The following CLSPN variants were observed in gnomAD, a reference collection of about 807,000 sequenced individuals.
CLSPN encodes the protein claspin homolog.
CLSPN carries 85 observed loss-of-function variants against 156.3 expected under a neutral mutation model. That is an observed-to-expected ratio of 0.54 (90% CI 0.46 to 0.65). The LOEUF is 0.65. CLSPN is among the 30% of genes least tolerant of loss of function. CLSPN has a pLI of 0.00. For synonymous variants in CLSPN, 534 were observed against 542.4 expected, an observed-to-expected ratio of 0.98 and a Z score of 0.22; for missense variants, 1,407 against 1,554.9, an observed-to-expected ratio of 0.90 and a Z score of 1.60.
At chr1:35,726,987 T>C (rs1431039127) in intron 24 of CLSPN, among the ~76,000 whole-genome samples, 1 of 152,208 alleles carries the variant, frequency 6.6e-6, no homozygotes, top group Non-Finnish European at 1.5e-5. Flanking sequence ...AGCCCACTCC[T>C]GGAGCCTCAG....
intron 24 of CLSPN, among the ~76,000 whole-genome samples, chr1:35,722,823 G>T (rs1641105580): frequency 6.7e-6 from 1 of 150,098 alleles, no homozygotes; most frequent in Non-Finnish European, 1.5e-5. Flanking sequence ...TAGAGACAGG[G>T]TTTCACTATG....
intron 3 of CLSPN, 116 bp downstream of exon 3, chr1:35,764,150 A>C: frequency 2.9e-6 from 2 of 681,638 alleles, no homozygotes. Context: ...TTCTCAACAC[A>C]AAATAGTCAA....
chr1:35,739,099 C>T (rs371891763), intron 20 of CLSPN, 37 bp downstream of exon 20: 67 of 1,612,878 alleles, frequency 4.2e-5, no homozygotes, highest in African/African-American at 1.1e-4. Context: ...ATGCTCAGCC[C>T]GTAACTGATT....
intron 1 of CLSPN, among the ~76,000 whole-genome samples, chr1:35,765,940 T>C (rs139276802): frequency 0.013 from 1,941 of 151,582 alleles, 18 homozygotes; most frequent in Non-Finnish European, 0.019. Context: ...ATATGCAATC[T>C]AGACGTGGGA....
chr1:35,723,516 C>A (rs901449360), intron 24 of CLSPN, among the ~76,000 whole-genome samples: 2 of 152,160 alleles, frequency 1.3e-5, no homozygotes, highest in African/African-American at 4.8e-5. Context: ...TATCAGTATT[C>A]TCAGGAAGAA....
In CLSPN at chr1:35,738,516, T is replaced by A; in HGVS notation, c.3497A>T (p.Asp1166Val). 1 of 1,613,998 alleles carries A rather than the reference T, an allele frequency of 6.2e-7. No individual in the cohort carries two copies. Among genetic ancestry groups the A allele is most frequent in the East Asian group, 2.2e-5 (1 of 44,876 alleles). Residue 1166 changes from aspartate to valine, a missense_variant, in exon 21 of 25, where the codon GAT becomes GTT. This residue lies in a region of CLSPN where 241 missense variants were observed against 240.5 expected (regional missense o/e 1.00). Transcript: ENST00000318121. The part of the protein sequence containing the change: ...SDDDQTEEQL[D>V]ESEARWRKER... Reference sequence around the variant, plus strand: ...CTTCCTCCACCTGGCTTCTGACTCATCAAGCTGTTCTTCAGTCTGATCATC... The same window carrying A: ...CTTCCTCCACCTGGCTTCTGACTCAACAAGCTGTTCTTCAGTCTGATCATC...
At chr1:35,756,624 T>A (rs1355849779) in intron 8 of CLSPN, among the ~76,000 whole-genome samples, 1 of 152,202 alleles carries the variant, frequency 6.6e-6, no homozygotes, top group African/African-American at 2.4e-5. Context: ...GCATAAGAAC[T>A]GTTCTCATTC....
chr1:35,743,809 G>A (rs1252650866), intron 16 of CLSPN, among the ~76,000 whole-genome samples: 1 of 151,990 alleles, frequency 6.6e-6, no homozygotes, highest in Non-Finnish European at 1.5e-5. Context: ...TTTTTGTAGA[G>A]ACAGATTTCA....
At position 35,735,695 on chromosome 1, in the gene CLSPN, G is replaced by A; in HGVS notation, c.*801C>T. On this transcript the variant is annotated 3_prime_UTR_variant, in exon 25 of 25. Transcript: ENST00000318121. ...TGCACTCCAGACTGGGCAACAAAGT[G>A]AGACTATCTCAAAAAAAAAAAAAGA... 4.1e-6 allele frequency: 4 copies of A among 978,740 alleles called. No individual in the cohort carries two copies. The highest frequency in any genetic ancestry group is 4.8e-6 in the Non-Finnish European group (4 of 824,946). 60.6% of individuals were successfully genotyped at this position (978,740 alleles called of 1,614,324 possible). A position where few individuals can be genotyped will look rare whatever the true frequency, so the allele number is the denominator to read the frequency against.
intron 8 of CLSPN, among the ~76,000 whole-genome samples, chr1:35,759,434 CAT>C (rs1557519787): frequency 6.6e-6 from 1 of 152,182 alleles, no homozygotes; most frequent in Non-Finnish European, 1.5e-5. Flanking sequence ...TTATCAATGA[CAT>C]ATTCATTATC....
intron 24 of CLSPN, chr1:35,721,037 C>T (rs763272328): frequency 5.4e-5 from 67 of 1,235,576 alleles, no homozygotes; most frequent in Non-Finnish European, 7.5e-5. Context: ...AGAGATAGTT[C>T]TGATAATGTT....
intron 8 of CLSPN, among the ~76,000 whole-genome samples, chr1:35,755,155 G>A (rs1296981222): frequency 7.9e-5 from 12 of 152,122 alleles, no homozygotes; most frequent in Non-Finnish European, 1.6e-4. Context: ...GTGCAGTGGT[G>A]CAATCTTGGC....
intron 15 of CLSPN, 34 bp from the exon 16 acceptor site, chr1:35,745,596 G>A (rs1641852913): frequency 7.1e-7 from 1 of 1,400,130 alleles, no homozygotes; most frequent in Non-Finnish European, 1.0e-6. Flanking sequence ...GTGTCACCAA[G>A]GAATGATAGC....
At chr1:35,761,497 C>T (rs961088802) in intron 6 of CLSPN, among the ~76,000 whole-genome samples, 2 of 152,136 alleles carry the variant, frequency 1.3e-5, no homozygotes, top group Non-Finnish European at 2.9e-5. Flanking sequence ...ATACAGTAGT[C>T]CCCGCTTATC....
rs1258308680 is a variant in CLSPN, at chr1:35,737,333, A to G, written c.3747+6T>C. 4.3e-6 allele frequency: 7 copies of G among 1,612,454 alleles called. No homozygotes were observed. Among genetic ancestry groups the G allele is most frequent in the Middle Eastern group, 1.7e-4 (1 of 6,054 alleles). On this transcript the variant is annotated splice_donor_region_variant and intron_variant, in intron 23 of 24. Coordinates refer to ENST00000318121, the MANE Select transcript of CLSPN (RefSeq NM_022111.4). ...TGATGTCAGATTAACAAGGTTCCCA[A>G]CCAACCTGTTGAGCACTTCCTGGTC...
At chr1:35,763,351 C>T (rs369897137) in intron 3 of CLSPN, 30 bp from the exon 4 acceptor site, 1 of 1,500,440 alleles carries the variant, frequency 6.7e-7, no homozygotes, top group Non-Finnish European at 8.9e-7. Flanking sequence ...AAAGCATAAT[C>T]CAATCATTTA....
rs1642545924 is a variant in CLSPN at position 35,763,236 on chromosome 1, T to G, written c.668A>C (p.Asn223Thr). 2 of 1,610,178 alleles carry G rather than the reference T, an allele frequency of 1.2e-6. No homozygotes were observed. Among genetic ancestry groups the G allele is most frequent in the Non-Finnish European group, 1.7e-6 (2 of 1,178,932 alleles). ...DLFETGLEDENNSPLEDEESL... is the reference protein window; with the variant it reads ...DLFETGLEDETNSPLEDEESL... ...CTCTTCATCTTCCAATGGAGAGTTA[T>G]TTTCATCCTCCAACCCAGTTTCAAA... The change falls in exon 4 of 25, where the codon AAT becomes ACT. Residue 223 changes from asparagine to threonine, a missense_variant. This residue lies in a region of CLSPN where 1,096 missense variants were observed against 1,193.0 expected (regional missense o/e 0.92). Transcript: ENST00000318121.
chr1:35,748,376 G>A, intron 13 of CLSPN, 29 bp downstream of exon 13: 1 of 1,591,770 alleles, frequency 6.3e-7, no homozygotes, highest in Non-Finnish European at 8.6e-7. Context: ...AAAGAGAGGA[G>A]GAGATTAGAA....
Position 35,764,566 on chromosome 1 carries a change from A to G in CLSPN, c.282T>C (p.Ala94=), listed in dbSNP as rs746390150. ...TCCTTTTGATTTTTGTATTTTTCCC[A>G]GCATATAAATTCTCTTTATTTTCCT... ...AEEENKENLY[A]GKNTKIKRIY... The change falls in exon 3 of 25, where the codon GCT becomes GCC. Residue 94 remains alanine, a synonymous_variant. Transcript: ENST00000318121. 6.2e-7 allele frequency: 1 copy of G among 1,613,780 alleles called. No individual in the cohort carries two copies. The highest frequency in any genetic ancestry group is 1.3e-5 in the African/African-American group (1 of 74,876).
Sources: gnomAD v4.1 joint callset for allele counts (sites outside exome capture counted in the v4.1 genomes callset) on GRCh38, gnomAD v4.1.1 for gene constraint, gnomAD v4.1.1 regional missense constraint, MANE v1.5 for transcripts, NCBI Gene and HGNC (gene_info 2026-07-23, HGNC 2026-07-21) for gene names.